The following SLC17A3 variants were observed in gnomAD, a reference collection of about 807,000 sequenced individuals.
SLC17A3 encodes the protein solute carrier family 17 member 3, also known as sodium-dependent phosphate transport protein 4.
SLC17A3 carries 61 observed loss-of-function variants against 60.3 expected under a neutral mutation model. The ratio of observed to expected loss-of-function variants is 1.01; its 90% confidence interval spans 0.82 to 1.25. The LOEUF (loss-of-function observed/expected upper bound fraction) is 1.25. SLC17A3 is among the 50% of genes most tolerant of loss of function. SLC17A3 has a pLI of 0.00. For synonymous variants in SLC17A3, 192 were observed against 208.9 expected, an observed-to-expected ratio of 0.92 and a Z score of 0.70; for missense variants, 624 against 594.9, an observed-to-expected ratio of 1.05 and a Z score of -0.51.
At chr6:25,846,045 CATCACACACTTA>C (rs1321170513) in intron 11 of SLC17A3, among the ~76,000 whole-genome samples, 9 of 152,268 alleles carry the variant, frequency 5.9e-5, no homozygotes, top group East Asian at 1.9e-4. Context: ...CCTATGCATA[CATCACACACTTA>C]ATGTTTGCTT....
intron 6 of SLC17A3, among the ~76,000 whole-genome samples, chr6:25,854,347 T>G (rs947235730): frequency 1.3e-5 from 2 of 152,230 alleles, no homozygotes. Context: ...CATTTCAGAT[T>G]GTTATATCTT....
intron 1 of SLC17A3, among the ~76,000 whole-genome samples, chr6:25,873,596 C>A (rs558620308): frequency 1.2e-4 from 18 of 152,198 alleles, no homozygotes; most frequent in African/African-American, 3.6e-4. Context: ...TGCCTCATCT[C>A]TCCATTTCCT....
rs570727446 is a variant in SLC17A3, at chr6:25,853,553, G to A, written c.712+1591C>T. 2.6e-5 allele frequency among the ~76,000 whole-genome samples: 4 copies of A among 151,588 alleles called. No homozygotes were observed. The East Asian group carries it at 7.8e-4, about 30-fold the overall frequency. ...CCGCCTCAGCCTCCCGAGTAGCTGG[G>A]ACATTAGGTGCCCGCCACCACGCCT... is the stretch of plus-strand genomic sequence containing the variant. On this transcript the variant is annotated intron_variant, in intron 6 of 12. Coordinates refer to ENST00000397060, the MANE Select transcript of SLC17A3 (RefSeq NM_001098486.2).
In SLC17A3 at chr6:25,850,555, T is replaced by C. The variant is rs770463114; in HGVS notation, c.897A>G (p.Ile299Met). The stretch of plus-strand genomic sequence containing the variant: ...ATTGATGGCTGAAACAGCCTAAACA[T>C]ATGGACCAAATGGGTAGAGATCTGA... ...AMLRSLPIWS[I>M]CLGCFSHQWL... is the part of the protein sequence containing the mutation. The change falls in exon 8 of 13, where the codon ATA (isoleucine) becomes ATG (methionine). Residue 299 changes from isoleucine (I) to methionine (M), a missense_variant. Coordinates refer to ENST00000397060, the MANE Select transcript of SLC17A3 (RefSeq NM_001098486.2). The C allele has an allele frequency of 6.2e-7, 1 of 1,613,910 alleles. No homozygotes were observed. The highest frequency in any genetic ancestry group is 8.5e-7 in the Non-Finnish European group (1 of 1,179,888).
chr6:25,869,740 C>T (rs898454282), intron 1 of SLC17A3, among the ~76,000 whole-genome samples: 5 of 151,950 alleles, frequency 3.3e-5, no homozygotes, highest in African/African-American at 4.8e-5. Context: ...ATGGGGGAAA[C>T]TGCCCCCATG....
chr6:25,860,369 G>T, intron 5 of SLC17A3, among the ~76,000 whole-genome samples: 1 of 152,090 alleles, frequency 6.6e-6, no homozygotes. Flanking sequence ...GCCTTCTGGG[G>T]TAGTCCTATG....
chr6:25,847,045 GT>G (rs530771962), intron 11 of SLC17A3, among the ~76,000 whole-genome samples: 28 of 149,248 alleles, frequency 1.9e-4, no homozygotes, highest in African/African-American at 4.7e-4. Flanking sequence ...GTCCCCAATA[GT>G]TTTTTTTTTC....
Position 25,861,624 on chromosome 6 carries a change from C to A in SLC17A3, c.625G>T (p.Gly209Ter). 2 of 1,613,622 alleles carry A rather than the reference C, an allele frequency of 1.2e-6. No individual in the cohort carries two copies. The highest frequency in any genetic ancestry group is 2.2e-5 in the South Asian group (2 of 91,074). ...RSRLCSIALS[G>*]MLLGCFTAIL... is the part of the protein sequence containing the mutation. ...ACCCATTTGGATTACATGTCCTTAC[C>A]TGATAAAGCAATGCTGCAGAGTCTG... is the stretch of plus-strand genomic sequence containing the variant. Residue 209 changes from glycine (G) to a stop codon, truncating the protein, a stop_gained and splice_region_variant, in exon 5 of 13, where the codon GGA becomes TGA. Coordinates refer to ENST00000397060, the MANE Select transcript of SLC17A3 (RefSeq NM_001098486.2). LOFTEE classifies it high-confidence loss of function.
chr6:25,857,864 G>C (rs1379047327), intron 5 of SLC17A3, among the ~76,000 whole-genome samples: 1 of 152,118 alleles, frequency 6.6e-6, no homozygotes, highest in Non-Finnish European at 1.5e-5. Context: ...TCCATCCAAA[G>C]CCAGGTCCCT....
chr6:25,857,013 T>G (rs1765367764), intron 5 of SLC17A3, among the ~76,000 whole-genome samples: 1 of 151,932 alleles, frequency 6.6e-6, no homozygotes, highest in Non-Finnish European at 1.5e-5. Context: ...TAATATCCTG[T>G]GTCTACAAAA....
At chr6:25,851,241 A>G (rs1157837068) in intron 6 of SLC17A3, among the ~76,000 whole-genome samples, 1 of 139,636 alleles carries the variant, frequency 7.2e-6, no homozygotes. Context: ...TCTTTGCCCA[A>G]TTTTTTTTTT....
chr6:25,862,518 A>T, intron 2 of SLC17A3, 74 bp from the exon 3 acceptor site: 1 of 1,165,026 alleles, frequency 8.6e-7, no homozygotes, highest in Non-Finnish European at 1.3e-6. Flanking sequence ...GATATGATTT[A>T]AAAAGTACCT....
chr6:25,849,548 C>G (rs1765235271), intron 10 of SLC17A3, 84 bp from the exon 11 acceptor site: 2 of 849,628 alleles, frequency 2.4e-6, no homozygotes, highest in African/African-American at 1.7e-5. Context: ...GAATCTATAA[C>G]TCAATTATAT....
intron 1 of SLC17A3, among the ~76,000 whole-genome samples, chr6:25,873,014 A>G (rs1426950503): frequency 6.6e-6 from 1 of 151,986 alleles, no homozygotes; most frequent in African/African-American, 2.4e-5. Context: ...ACCTACTGCC[A>G]TGGTAACCTC....
At chr6:25,859,821 C>A (rs974389875) in intron 5 of SLC17A3, among the ~76,000 whole-genome samples, 1 of 152,146 alleles carries the variant, frequency 6.6e-6, no homozygotes, top group African/African-American at 2.4e-5. Context: ...GATCCTTCTA[C>A]CTGCTTGTAC....
chr6:25,855,258 G>GCAC (rs1177981644), intron 5 of SLC17A3, 28 bp from the exon 6 acceptor site: 1 of 1,517,022 alleles, frequency 6.6e-7, no homozygotes, highest in Admixed American at 1.7e-5. Flanking sequence ...GTAAGCTGTG[G>GCAC]GACTCTAGAC....
At position 25,862,458 on chromosome 6, in the gene SLC17A3, G is replaced by A. The variant is rs1423888528; in HGVS notation, c.92-14C>T. The stretch of plus-strand genomic sequence containing the variant: ...ATAAACTTGGAACTGGAAATATTAT[G>A]ACATCATATTAGTGTTTTTTAAAAT... On this transcript the variant is annotated splice_polypyrimidine_tract_variant and intron_variant, in intron 2 of 12. Coordinates refer to ENST00000397060, the MANE Select transcript of SLC17A3 (RefSeq NM_001098486.2). 3.1e-6 allele frequency: 5 copies of A among 1,593,618 alleles called. No homozygotes were observed. Among genetic ancestry groups the A allele is most frequent in the South Asian group, 1.1e-5 (1 of 90,620 alleles).
Position 25,850,870 on chromosome 6 carries a change from A to G in SLC17A3, c.720T>C (p.Val240=), listed in dbSNP as rs763986748. Residue 240 remains valine, a synonymous_variant, in exon 7 of 13, where the codon GTT becomes GTC. Transcript: ENST00000397060. ...ACCAGAGAAGGCAGCAGACACAGCCAACACCTCCTGTAAGCACAGGGTAAA... is the reference window on the plus strand; with the variant it reads ...ACCAGAGAAGGCAGCAGACACAGCCGACACCTCCTGTAAGCACAGGGTAAA... ...WPFVFYIFGG[V]GCVCCLLWFV... The G allele has an allele frequency of 5.0e-6, 8 of 1,613,736 alleles. No homozygotes were observed. In the African/African-American group the frequency reaches 9.3e-5, roughly 19 times the overall value.
Position 25,861,719 on chromosome 6 carries a change from T to A in SLC17A3, c.538-8A>T, listed in dbSNP as rs376946211. 7 of 1,613,378 alleles carry A rather than the reference T, an allele frequency of 4.3e-6. No individual in the cohort carries two copies. The highest frequency in any genetic ancestry group is 5.9e-6 in the Non-Finnish European group (7 of 1,179,442). On this transcript the variant is annotated splice_region_variant and splice_polypyrimidine_tract_variant and intron_variant, in intron 4 of 12. Coordinates refer to ENST00000397060, the MANE Select transcript of SLC17A3 (RefSeq NM_001098486.2). The stretch of plus-strand genomic sequence containing the variant: ...ACCCCCAAGTATTGAGGACTGAAAT[T>A]AAAATGATTAGAGTTCTTAATGTGT...
Sources: allele counts gnomAD v4.1 joint callset (sites outside exome capture counted in the v4.1 genomes callset), GRCh38; gene constraint gnomAD v4.1.1; transcripts MANE v1.5; gene names NCBI Gene and HGNC (gene_info 2026-07-23, HGNC 2026-07-21).